The following HS6ST3 variants were observed in gnomAD, a reference collection of about 807,000 sequenced individuals.
HS6ST3 encodes heparan-sulfate 6-O-sulfotransferase 3.
HS6ST3 carries 12 observed loss-of-function variants against 36.7 expected under a neutral mutation model. The observed-to-expected ratio is 0.33, with a 90% CI of 0.21 to 0.53. HS6ST3 has a LOEUF of 0.53. HS6ST3 is among the 20% of genes least tolerant of loss of function. The probability of loss-of-function intolerance (pLI) is 0.95; values close to 1 mark genes in which losing one functional copy is unlikely to be tolerated. For synonymous variants in HS6ST3, 240 were observed against 257.5 expected (o/e 0.93, Z 0.65); for missense variants, 584 against 640.9 (o/e 0.91, Z 0.96).
At chr13:96,163,512 A>C (rs1594700274) in intron 1 of HS6ST3, among the ~76,000 whole-genome samples, 2 of 152,140 alleles carry the variant, frequency 1.3e-5, no homozygotes, top group Non-Finnish European at 2.9e-5. Context: ...TACAGGCGTG[A>C]GCCACTGCAC....
At chr13:96,287,916 G>A (rs7997562) in intron 1 of HS6ST3, among the ~76,000 whole-genome samples, 8,458 of 152,178 alleles carry the variant, frequency 0.056, 318 homozygotes, top group East Asian at 0.16. Flanking sequence ...GGGGATTGAT[G>A]GTTATCTCCA....
At chr13:96,189,509 A>T (rs2054279326) in intron 1 of HS6ST3, among the ~76,000 whole-genome samples, 1 of 151,954 alleles carries the variant, frequency 6.6e-6, no homozygotes, top group African/African-American at 2.4e-5. Flanking sequence ...TTGACATGGA[A>T]TTTGTCTGTG....
At chr13:96,387,204 A>C (rs1004636464) in intron 1 of HS6ST3, among the ~76,000 whole-genome samples, 4 of 152,234 alleles carry the variant, frequency 2.6e-5, no homozygotes, top group Non-Finnish European at 5.9e-5. Context: ...GTGACTTTTG[A>C]AAATCATCCT....
intron 1 of HS6ST3, among the ~76,000 whole-genome samples, chr13:96,653,294 C>T (rs1039383294): frequency 2.6e-5 from 4 of 151,850 alleles, no homozygotes; most frequent in African/African-American, 7.3e-5. Context: ...TGTGTTATGG[C>T]GATTTGTTGC....
chr13:96,787,390 C>T (rs1431597977), intron 1 of HS6ST3, among the ~76,000 whole-genome samples: 1 of 152,020 alleles, frequency 6.6e-6, no homozygotes, highest in East Asian at 1.9e-4. Flanking sequence ...TCCCATCCTT[C>T]CCAGCATTTG....
chr13:96,388,793 C>G (rs146513308), intron 1 of HS6ST3, among the ~76,000 whole-genome samples: 2 of 152,176 alleles, frequency 1.3e-5, no homozygotes, highest in African/African-American at 4.8e-5. Flanking sequence ...GTTTTATAAG[C>G]GTCTGGCATT....
intron 1 of HS6ST3, among the ~76,000 whole-genome samples, chr13:96,519,416 G>A (rs544831088): frequency 5.4e-4 from 82 of 152,236 alleles, no homozygotes; most frequent in African/African-American, 1.5e-3. Flanking sequence ...TTGAATGACC[G>A]TATCTAAACT....
Position 96,583,876 on chromosome 13 carries a change from T to C in HS6ST3, c.708-248614T>C, listed in dbSNP as rs535808735. Among the ~76,000 whole-genome samples the C allele has an allele frequency of 1.6e-3, 249 of 152,306 alleles. 1 individual carries two copies. Among genetic ancestry groups the C allele is most frequent in the Middle Eastern group, 0.014 (4 of 292 alleles). ...AGATTTTGGATTGTCTAATTCTTTG[T>C]GGTTGGCTGTCCTGTGCATTGTAAG... On this transcript the variant is annotated intron_variant, in intron 1 of 1. Transcript: ENST00000376705.
chr13:96,286,392 G>A (rs1244990647), intron 1 of HS6ST3, among the ~76,000 whole-genome samples: 1 of 151,920 alleles, frequency 6.6e-6, no homozygotes, highest in Non-Finnish European at 1.5e-5. Context: ...GTGTGTGGAG[G>A]GAGGGGGTTT....
At chr13:96,326,666 TG>T (rs1170486206) in intron 1 of HS6ST3, among the ~76,000 whole-genome samples, 2 of 152,178 alleles carry the variant, frequency 1.3e-5, no homozygotes, top group African/African-American at 4.8e-5. Context: ...TATAGCACCT[TG>T]TTCTGTAATC....
intron 1 of HS6ST3, among the ~76,000 whole-genome samples, chr13:96,161,870 A>G (rs2054137402): frequency 1.3e-5 from 2 of 152,220 alleles, no homozygotes; most frequent in African/African-American, 4.8e-5. Flanking sequence ...AGAGATCACC[A>G]TTAGTTATTA....
chr13:96,191,859 G>A (rs141960949), intron 1 of HS6ST3, among the ~76,000 whole-genome samples: 49 of 152,304 alleles, frequency 3.2e-4, no homozygotes, highest in African/African-American at 9.1e-4. Context: ...AAAGCTAGCT[G>A]AATTAAGTAA....
rs1424998847 is a variant in HS6ST3 at position 96,150,370 on chromosome 13, A to G, written c.707+58801A>G. ...GGGTAAGCCAGGGATAGAAGTTCTCACTCTGGTCATGGACTCTATCGGGAA... is the reference window on the plus strand; with the variant it reads ...GGGTAAGCCAGGGATAGAAGTTCTCGCTCTGGTCATGGACTCTATCGGGAA... On this transcript the variant is annotated intron_variant, in intron 1 of 1. Transcript: ENST00000376705. Among the ~76,000 whole-genome samples, 6 of 151,744 alleles carry G rather than the reference A, an allele frequency of 4.0e-5. No homozygotes were observed. The East Asian group carries it at 7.8e-4, about 20-fold the overall frequency.
chr13:96,769,552 A>G (rs1385123605), intron 1 of HS6ST3, among the ~76,000 whole-genome samples: 1 of 150,120 alleles, frequency 6.7e-6, no homozygotes, highest in Non-Finnish European at 1.5e-5. Context: ...TTGCTGACAC[A>G]TTGTTTTAGG....
At chr13:96,671,619 G>A (rs978458174) in intron 1 of HS6ST3, among the ~76,000 whole-genome samples, 6 of 152,098 alleles carry the variant, frequency 3.9e-5, no homozygotes, top group Non-Finnish European at 8.8e-5. Flanking sequence ...CTGGGAGGAG[G>A]ATCTGTTCCA....
At chr13:96,569,017 C>T (rs1405623333) in intron 1 of HS6ST3, among the ~76,000 whole-genome samples, 1 of 152,146 alleles carries the variant, frequency 6.6e-6, no homozygotes, top group Non-Finnish European at 1.5e-5. Flanking sequence ...TCAGCTAGAA[C>T]TTGGTTATCT....
rs1248454225 is a variant in HS6ST3 at position 96,820,082 on chromosome 13, T to TA, written c.708-12396dup. On this transcript the variant is annotated intron_variant, in intron 1 of 1. Transcript: ENST00000376705. ...TAGAGTGAGACTCTGTCTCAAAAAATAAAAAAAAAAAAGAAAAATGCTTGG... is the reference window on the plus strand; with the variant it reads ...TAGAGTGAGACTCTGTCTCAAAAAATAAAAAAAAAAAAAGAAAAATGCTTGG... Among the ~76,000 whole-genome samples the TA allele has an allele frequency of 6.6e-3, 892 of 136,000 alleles. 6 individuals are homozygous for TA. Among genetic ancestry groups the TA allele is most frequent in the African/African-American group, 0.021 (763 of 37,138 alleles). 89.2% of individuals were successfully genotyped at this position (136,000 alleles called of 152,430 possible).
chr13:96,435,140 T>G lies in HS6ST3; in HGVS notation c.707+343571T>G, dbSNP rs557827189. Among the ~76,000 whole-genome samples, 8 of 152,342 alleles carry G rather than the reference T, an allele frequency of 5.3e-5. No individual in the cohort carries two copies. In the East Asian group the frequency reaches 1.5e-3, roughly 29 times the overall value. On this transcript the variant is annotated intron_variant, in intron 1 of 1. Transcript: ENST00000376705. ...CTGGAAATTTTAAAAGTGAAAATTC[T>G]AATTGCAGTGGTTAAATTTGACCAA...
rs1315016901 is a variant in HS6ST3, at chr13:96,220,817, T to C, written c.707+129248T>C. ...GTCTGACAATGTCATGATTTTCTCATTTTTTTAATGCCTCAGTGTTGAAGC... is the reference window on the plus strand; with the variant it reads ...GTCTGACAATGTCATGATTTTCTCACTTTTTTAATGCCTCAGTGTTGAAGC... On this transcript the variant is annotated intron_variant, in intron 1 of 1. Coordinates refer to ENST00000376705, the MANE Select transcript of HS6ST3 (RefSeq NM_153456.4). Among the ~76,000 whole-genome samples, 3 of 152,130 alleles carry C rather than the reference T, an allele frequency of 2.0e-5. No individual in the cohort carries two copies. The East Asian group carries it at 5.8e-4, about 29-fold the overall frequency.
Sources: gnomAD v4.1 joint callset for allele counts (sites outside exome capture counted in the v4.1 genomes callset) on GRCh38, gnomAD v4.1.1 for gene constraint, MANE v1.5 for transcripts, NCBI Gene and HGNC (gene_info 2026-07-23, HGNC 2026-07-21) for gene names.